The following AUTS2 variants were observed in gnomAD, a reference collection of about 807,000 sequenced individuals.
AUTS2 encodes activator of transcription and developmental regulator AUTS2.
AUTS2 carries 17 observed loss-of-function variants against 112.4 expected under a neutral mutation model. The observed-to-expected ratio is 0.15, with a 90% CI of 0.10 to 0.23. The LOEUF (loss-of-function observed/expected upper bound fraction) is 0.23. Among genes scored for constraint, AUTS2 ranks in the 10% least tolerant of loss-of-function variants. The pLI is 1.00. For missense variants in AUTS2, 1,510 were observed against 1,701.6 expected, an observed-to-expected ratio of 0.89 and a Z score of 1.98; for synonymous variants, 751 against 702.7, an observed-to-expected ratio of 1.07 and a Z score of -1.09.
At chr7:69,724,917 T>C (rs1786434774) in intron 1 of AUTS2, among the ~76,000 whole-genome samples, 1 of 152,214 alleles carries the variant, frequency 6.6e-6, no homozygotes, top group Non-Finnish European at 1.5e-5. Context: ...GCAGTTGCTG[T>C]AGACCTTTAT....
At chr7:69,993,949 G>T (rs2129551827) in intron 2 of AUTS2, among the ~76,000 whole-genome samples, 1 of 152,336 alleles carries the variant, frequency 6.6e-6, no homozygotes, top group South Asian at 2.1e-4. Flanking sequence ...GTATGGAAGA[G>T]AACAGTGTGG....
intron 5 of AUTS2, among the ~76,000 whole-genome samples, chr7:70,518,096 T>G (rs923383546): frequency 6.6e-6 from 1 of 152,240 alleles, no homozygotes; most frequent in Non-Finnish European, 1.5e-5. Context: ...TAATGTGAAA[T>G]ATAATTACAA....
intron 6 of AUTS2, among the ~76,000 whole-genome samples, chr7:70,746,239 C>A (rs1418144067): frequency 5.3e-5 from 8 of 152,090 alleles, no homozygotes; most frequent in Non-Finnish European, 1.0e-4. Flanking sequence ...TTCCGCCTCC[C>A]GGTTCAAGCG....
intron 14 of AUTS2, among the ~76,000 whole-genome samples, chr7:70,779,522 T>A (rs1790927004): frequency 6.6e-6 from 1 of 152,118 alleles, no homozygotes; most frequent in Non-Finnish European, 1.5e-5. Flanking sequence ...TTGCTTTCAG[T>A]AGGGGTGATG....
At chr7:70,472,735 A>T (rs541421879) in intron 5 of AUTS2, among the ~76,000 whole-genome samples, 1 of 152,322 alleles carries the variant, frequency 6.6e-6, no homozygotes, top group Admixed American at 6.5e-5. Flanking sequence ...GTATTTGAAG[A>T]AAAACATTAG....
chr7:70,146,707 G>A (rs371214060), intron 4 of AUTS2, among the ~76,000 whole-genome samples: 5 of 152,094 alleles, frequency 3.3e-5, no homozygotes, highest in Non-Finnish European at 5.9e-5. Context: ...TCAGGTCATC[G>A]TGGTGGCAAT....
rs58244266 is a variant in AUTS2 at position 70,377,325 on chromosome 7, A to AATATATATATAT, written c.661-58389_661-58378dup. The stretch of plus-strand genomic sequence containing the variant: ...TTTGGGTCTCAAACAAACAAATATA[A>AATATATATATAT]ATATATATATATATATATATATATA... On this transcript the variant is annotated intron_variant, in intron 4 of 18. Coordinates refer to ENST00000342771, the MANE Select transcript of AUTS2 (RefSeq NM_015570.4). Among the ~76,000 whole-genome samples, 85 of 52,060 alleles carry AATATATATATAT rather than the reference A, an allele frequency of 1.6e-3. 3 individuals carry two copies. Among genetic ancestry groups the AATATATATATAT allele is most frequent in the Non-Finnish European group, 2.3e-3 (62 of 27,120 alleles). 34.2% of individuals were successfully genotyped at this position (52,060 alleles called of 152,430 possible).
At chr7:69,755,433 T>G (rs1787907226) in intron 1 of AUTS2, among the ~76,000 whole-genome samples, 8 of 151,838 alleles carry the variant, frequency 5.3e-5, no homozygotes. Flanking sequence ...TGGGGAGTCT[T>G]GTGTCTGAGA....
intron 3 of AUTS2, among the ~76,000 whole-genome samples, chr7:70,127,177 A>T (rs1279356076): frequency 1.3e-5 from 2 of 151,822 alleles, no homozygotes; most frequent in African/African-American, 4.8e-5. Context: ...TTATTTATTT[A>T]AAATGAATTG....
chr7:69,906,391 T>G (rs1482019485), intron 2 of AUTS2, among the ~76,000 whole-genome samples: 1 of 152,064 alleles, frequency 6.6e-6, no homozygotes, highest in African/African-American at 2.4e-5. Context: ...GAGTGGGAAG[T>G]GGGAGGAGAT....
chr7:70,428,320 G>A (rs1471415350), intron 4 of AUTS2, among the ~76,000 whole-genome samples: 6 of 152,140 alleles, frequency 3.9e-5, no homozygotes, highest in Admixed American at 2.6e-4. Flanking sequence ...GCACAAAATG[G>A]CGGCCCATTT....
intron 1 of AUTS2, among the ~76,000 whole-genome samples, chr7:69,793,694 C>A (rs1584255318): frequency 1.3e-5 from 2 of 152,174 alleles, no homozygotes; most frequent in Admixed American, 1.3e-4. Flanking sequence ...AACCCTATAA[C>A]AATCAGATCA....
At chr7:70,091,808 T>C (rs564325773) in intron 2 of AUTS2, among the ~76,000 whole-genome samples, 2 of 152,190 alleles carry the variant, frequency 1.3e-5, no homozygotes, top group Non-Finnish European at 2.9e-5. Context: ...TCTACATCTT[T>C]CCAATGTTGG....
intron 5 of AUTS2, among the ~76,000 whole-genome samples, chr7:70,446,666 C>T (rs187444284): frequency 2.0e-5 from 3 of 152,250 alleles, no homozygotes; most frequent in Admixed American, 2.0e-4. Context: ...TTGCCATAAC[C>T]GAGTATGACA....
chr7:69,794,014 G>A (rs1373132912), intron 1 of AUTS2, among the ~76,000 whole-genome samples: 1 of 152,196 alleles, frequency 6.6e-6, no homozygotes, highest in Non-Finnish European at 1.5e-5. Context: ...TGGCATGAGC[G>A]TGGAGGGAAA....
chr7:70,485,465 C>CG (rs918855419), intron 5 of AUTS2, among the ~76,000 whole-genome samples: 12 of 151,946 alleles, frequency 7.9e-5, no homozygotes, highest in African/African-American at 1.4e-4. Context: ...TTTGGGGACT[C>CG]GGGGGAAAGG....
rs202200071 is a variant in AUTS2 at position 70,717,435 on chromosome 7, C to A, written c.742+18815C>A. ...TGGCCTCAGGCGATTAATCCTCTCACCCCTGCCTCCCAAAGCATCGAGCTC... is the reference window on the plus strand; with the variant it reads ...TGGCCTCAGGCGATTAATCCTCTCAACCCTGCCTCCCAAAGCATCGAGCTC... On this transcript the variant is annotated intron_variant, in intron 6 of 18. Coordinates refer to ENST00000342771, the MANE Select transcript of AUTS2 (RefSeq NM_015570.4). Among the ~76,000 whole-genome samples the A allele has an allele frequency of 2.0e-5, 3 of 152,284 alleles. No individual in the cohort carries two copies. In the East Asian group the frequency reaches 5.8e-4, roughly 29 times the overall value.
At chr7:69,770,108 A>G (rs772159697) in intron 1 of AUTS2, among the ~76,000 whole-genome samples, 37 of 152,226 alleles carry the variant, frequency 2.4e-4, no homozygotes, top group Admixed American at 1.0e-3. Flanking sequence ...TTGGGGCTAC[A>G]CATCACAGCA....
At position 70,785,948 on chromosome 7, in the gene AUTS2, T is replaced by G; in HGVS notation, c.2225-7T>G. 6.2e-7 allele frequency: 1 copy of G among 1,613,728 alleles called. No individual in the cohort carries two copies. Among genetic ancestry groups the G allele is most frequent in the Non-Finnish European group, 8.5e-7 (1 of 1,179,886 alleles). On this transcript the variant is annotated splice_region_variant and splice_polypyrimidine_tract_variant and intron_variant, in intron 16 of 18. Coordinates refer to ENST00000342771, the MANE Select transcript of AUTS2 (RefSeq NM_015570.4). ...GACCATTTCCTTCTTCCCCATCTTG[T>G]TTGCAGAGCCTTTTAATCGGCCGTC...
Sources: gnomAD v4.1 joint callset for allele counts (sites outside exome capture counted in the v4.1 genomes callset) on GRCh38, gnomAD v4.1.1 for gene constraint, MANE v1.5 for transcripts, NCBI Gene and HGNC (gene_info 2026-07-23, HGNC 2026-07-21) for gene names.